The following VPS13B variants were observed in gnomAD, a reference collection of about 807,000 sequenced individuals.
VPS13B encodes intermembrane lipid transfer protein VPS13B.
Under a neutral mutation model 426.4 loss-of-function variants are expected in VPS13B, and 285 were observed. The ratio of observed to expected loss-of-function variants is 0.67; its 90% CI spans 0.61 to 0.74. The LOEUF is 0.74. Ranked by LOEUF, VPS13B falls within the 30% of genes least tolerant of loss-of-function variation. The pLI, the probability that VPS13B is intolerant of heterozygous loss-of-function variation, is 0.00. For missense variants in VPS13B, 4,537 were observed against 4,782.6 expected (o/e 0.95, Z 1.51); for synonymous variants, 1,676 against 1,676.4 (o/e 1.00, Z 0.01).
chr8:99,717,066 T>G, intron 36 of VPS13B, 105 bp from the exon 37 acceptor site: 2 of 1,178,460 alleles, frequency 1.7e-6, no homozygotes, highest in Non-Finnish European at 2.5e-6. Flanking sequence ...GCAAGACGAC[T>G]CTGACAAAGG....
At chr8:99,672,580 G>A (rs1830760821) in intron 35 of VPS13B, among the ~76,000 whole-genome samples, 1 of 151,934 alleles carries the variant, frequency 6.6e-6, no homozygotes, top group Non-Finnish European at 1.5e-5. Flanking sequence ...AATGTTATAA[G>A]GTTATCTGTG....
intron 39 of VPS13B, among the ~76,000 whole-genome samples, chr8:99,763,152 A>G (rs1252392971): frequency 2.0e-5 from 3 of 150,404 alleles, no homozygotes; most frequent in African/African-American, 7.3e-5. Flanking sequence ...AAAAAAAAAA[A>G]AAAAAAAAAA....
intron 35 of VPS13B, among the ~76,000 whole-genome samples, chr8:99,698,372 G>A (rs374416596): frequency 3.9e-5 from 6 of 152,246 alleles, no homozygotes; most frequent in South Asian, 2.1e-4. Flanking sequence ...AGGACCACGC[G>A]GACTCTGCCC....
At chr8:99,212,449 G>A (rs944149427) in intron 17 of VPS13B, among the ~76,000 whole-genome samples, 1 of 152,156 alleles carries the variant, frequency 6.6e-6, no homozygotes, top group Non-Finnish European at 1.5e-5. Context: ...TGTGCTGTGA[G>A]CCTATGAGAT....
chr8:99,176,378 C>G (rs1016553803), intron 16 of VPS13B, among the ~76,000 whole-genome samples: 2 of 152,116 alleles, frequency 1.3e-5, no homozygotes, highest in African/African-American at 2.4e-5. Context: ...CTCAAGTGAT[C>G]TGCCCACCTT....
chr8:99,500,613 C>G (rs1041701885), intron 25 of VPS13B, among the ~76,000 whole-genome samples: 1 of 152,096 alleles, frequency 6.6e-6, no homozygotes, highest in East Asian at 1.9e-4. Flanking sequence ...CTAAGCTTAA[C>G]TAAGTATCTG....
intron 21 of VPS13B, among the ~76,000 whole-genome samples, chr8:99,419,149 C>G (rs1296751190): frequency 6.6e-6 from 1 of 152,230 alleles, no homozygotes; most frequent in East Asian, 1.9e-4. Context: ...AACAACATCC[C>G]CCTAGTGCTG....
At chr8:99,062,890 A>G (rs1005568010) in intron 3 of VPS13B, among the ~76,000 whole-genome samples, 3 of 152,208 alleles carry the variant, frequency 2.0e-5, no homozygotes, top group Non-Finnish European at 4.4e-5. Context: ...ATGGGCACTC[A>G]AGTATAGAAT....
At chr8:99,298,411 C>T (rs148974731) in intron 19 of VPS13B, among the ~76,000 whole-genome samples, 6,388 of 152,186 alleles carry the variant, frequency 0.042, 196 homozygotes, top group Non-Finnish European at 0.07. Flanking sequence ...ATCACTTGAA[C>T]CTGGGAGGCA....
At chr8:99,597,392 A>G (rs1827072444) in intron 33 of VPS13B, among the ~76,000 whole-genome samples, 1 of 152,008 alleles carries the variant, frequency 6.6e-6, no homozygotes, top group African/African-American at 2.4e-5. Context: ...CTTCTTTACC[A>G]CTGTCGTATG....
intron 22 of VPS13B, among the ~76,000 whole-genome samples, chr8:99,440,496 G>A (rs1219536457): frequency 6.6e-6 from 1 of 151,988 alleles, no homozygotes; most frequent in African/African-American, 2.4e-5. Flanking sequence ...TATTTTAAAA[G>A]TGTAAAAAGA....
chr8:99,823,801 T>C, intron 50 of VPS13B, 31 bp from the exon 51 acceptor site: 1 of 1,608,312 alleles, frequency 6.2e-7, no homozygotes, highest in Non-Finnish European at 8.5e-7. Context: ...TACAGTATTG[T>C]CAAAATTATT....
At chr8:99,421,018 A>G (rs1816339763) in intron 21 of VPS13B, among the ~76,000 whole-genome samples, 1 of 152,208 alleles carries the variant, frequency 6.6e-6, no homozygotes, top group East Asian at 1.9e-4. Flanking sequence ...CAACATTTAA[A>G]TTGAGTAGTA....
intron 21 of VPS13B, among the ~76,000 whole-genome samples, chr8:99,414,622 A>G (rs1325843514): frequency 6.6e-6 from 1 of 152,202 alleles, no homozygotes. Context: ...CAGTGGTGGC[A>G]AAATTTCTCA....
chr8:99,310,115 A>T (rs540130806), intron 19 of VPS13B, among the ~76,000 whole-genome samples: 1 of 152,320 alleles, frequency 6.6e-6, no homozygotes, highest in East Asian at 1.9e-4. Context: ...ATATACAATC[A>T]TGTCATCTGA....
chr8:99,104,401 T>A (rs1846930381), intron 5 of VPS13B, among the ~76,000 whole-genome samples: 1 of 152,226 alleles, frequency 6.6e-6, no homozygotes, highest in Non-Finnish European at 1.5e-5. Context: ...GATATTTAGT[T>A]TGAATTGTTT....
At chr8:99,580,369 G>C (rs975683637) in intron 33 of VPS13B, among the ~76,000 whole-genome samples, 1 of 146,920 alleles carries the variant, frequency 6.8e-6, no homozygotes, top group African/African-American at 2.5e-5. Flanking sequence ...CTTTTCTTTT[G>C]TTTAGTAGAG....
At chr8:99,136,356 G>A (rs1810068930) in intron 11 of VPS13B, among the ~76,000 whole-genome samples, 1 of 152,014 alleles carries the variant, frequency 6.6e-6, no homozygotes, top group Admixed American at 6.6e-5. Context: ...TACATTATTA[G>A]ACAGTTTTGT....
At chr8:99,687,597 C>T (rs900871894) in intron 35 of VPS13B, among the ~76,000 whole-genome samples, 2 of 151,928 alleles carry the variant, frequency 1.3e-5, no homozygotes, top group African/African-American at 4.8e-5. Context: ...GTATTGATTT[C>T]CACTGTAACA....
Sources: gnomAD v4.1 joint callset for allele counts (sites outside exome capture counted in the v4.1 genomes callset) on GRCh38, gnomAD v4.1.1 for gene constraint, MANE v1.5 for transcripts, NCBI Gene and HGNC (gene_info 2026-07-23, HGNC 2026-07-21) for gene names.